Variants in GALNT7 observed in about 807,000 individuals in gnomAD.
GALNT7 encodes the protein N-acetylgalactosaminyltransferase 7.
A neutral mutation model predicts 82.1 loss-of-function variants in GALNT7; 60 were observed. The observed-to-expected ratio is 0.73, with a 90% CI of 0.59 to 0.91. GALNT7 has a LOEUF of 0.91. Ranked by LOEUF, GALNT7 falls within the 40% of genes least tolerant of loss-of-function variation. The pLI is 0.00. For missense variants in GALNT7, 660 were observed against 804.2 expected (o/e 0.82, Z 2.17); for synonymous variants, 243 against 275.1 (o/e 0.88, Z 1.15).
intron 1 of GALNT7, among the ~76,000 whole-genome samples, chr4:173,212,927 C>G (rs1733328445): frequency 6.6e-6 from 1 of 151,918 alleles, no homozygotes; most frequent in South Asian, 2.1e-4. Context: ...GTGGAAAATA[C>G]TAAAACTTGG....
At chr4:173,255,931 T>G (rs534039177) in intron 2 of GALNT7, among the ~76,000 whole-genome samples, 4 of 152,322 alleles carry the variant, frequency 2.6e-5, no homozygotes, top group African/African-American at 9.6e-5. Flanking sequence ...CTACAATATA[T>G]GTTTCTTTGA....
At position 173,227,706 on chromosome 4, in the gene GALNT7, T is replaced by C. The variant is rs548763682; in HGVS notation, c.127-20274T>C. Among the ~76,000 whole-genome samples the C allele has an allele frequency of 3.9e-5, 6 of 152,312 alleles. No individual in the cohort carries two copies. In the South Asian group the frequency reaches 8.3e-4, roughly 21 times the overall value. ...GACTTGAACTTCTATCTCATGAATG[T>C]CTCATGTTGGCGGAGGTCATGCAGC... On this transcript the variant is annotated intron_variant, in intron 1 of 11. Coordinates refer to ENST00000265000, the MANE Select transcript of GALNT7 (RefSeq NM_017423.3).
chr4:173,224,610 A>G (rs937213524), intron 1 of GALNT7, among the ~76,000 whole-genome samples: 1 of 152,342 alleles, frequency 6.6e-6, no homozygotes, highest in South Asian at 2.1e-4. Flanking sequence ...AAAACTTGCA[A>G]TATATTTATT....
At chr4:173,232,255 GA>G (rs1202316775) in intron 1 of GALNT7, among the ~76,000 whole-genome samples, 1 of 151,810 alleles carries the variant, frequency 6.6e-6, no homozygotes, top group African/African-American at 2.4e-5. Context: ...CCTGGTTAGG[GA>G]GACTTTCAGT....
intron 1 of GALNT7, among the ~76,000 whole-genome samples, chr4:173,188,699 T>C (rs1732529495): frequency 6.6e-6 from 1 of 152,206 alleles, no homozygotes; most frequent in African/African-American, 2.4e-5. Context: ...TCCTTTCATG[T>C]TCATGTGCAG....
chr4:173,249,177 A>T (rs945747690), intron 2 of GALNT7, among the ~76,000 whole-genome samples: 1 of 152,192 alleles, frequency 6.6e-6, no homozygotes, highest in Non-Finnish European at 1.5e-5. Flanking sequence ...GCTTTCATTA[A>T]TGTAGTTGGA....
Position 173,238,714 on chromosome 4 carries a change from A to G in GALNT7, c.127-9266A>G, listed in dbSNP as rs1234588494. Among the ~76,000 whole-genome samples, 3 of 152,212 alleles carry G rather than the reference A, an allele frequency of 2.0e-5. No homozygotes were observed. In the East Asian group the frequency reaches 5.8e-4, roughly 29 times the overall value. On this transcript the variant is annotated intron_variant, in intron 1 of 11. Coordinates refer to ENST00000265000, the MANE Select transcript of GALNT7 (RefSeq NM_017423.3). ...ATTCACAATAAAAAATATTTTTTAAAACCTGTAATGCATATTTATGATTCA... is the reference window on the plus strand; with the variant it reads ...ATTCACAATAAAAAATATTTTTTAAGACCTGTAATGCATATTTATGATTCA...
At chr4:173,297,828 A>C in intron 5 of GALNT7, 1 of 1,468,998 alleles carries the variant, frequency 6.8e-7, no homozygotes, top group Non-Finnish European at 8.9e-7. Flanking sequence ...TAGATTACAT[A>C]GATGGGAATG....
chr4:173,319,138 CTG>C (rs1446246010), intron 11 of GALNT7, among the ~76,000 whole-genome samples: 1 of 152,022 alleles, frequency 6.6e-6, no homozygotes, highest in Non-Finnish European at 1.5e-5. Flanking sequence ...TGTGTTTCAG[CTG>C]TGAGTATTTA....
chr4:173,316,037 C>CA (rs201258643), intron 9 of GALNT7: 1 of 151,746 alleles, frequency 6.6e-6, no homozygotes, highest in East Asian at 1.9e-4. Flanking sequence ...ATACAGCAGT[C>CA]AGAGTGACTG....
At chr4:173,253,063 G>C (rs148733963) in intron 2 of GALNT7, among the ~76,000 whole-genome samples, 1 of 152,114 alleles carries the variant, frequency 6.6e-6, no homozygotes, top group East Asian at 1.9e-4. Context: ...TCAGCTGGGC[G>C]TGTTGGCGCA....
At chr4:173,214,136 T>G (rs565316968) in intron 1 of GALNT7, among the ~76,000 whole-genome samples, 80 of 152,154 alleles carry the variant, frequency 5.3e-4, no homozygotes, top group African/African-American at 1.5e-3. Flanking sequence ...CACAACCCAG[T>G]GTTGTTATTA....
intron 2 of GALNT7, among the ~76,000 whole-genome samples, chr4:173,281,842 C>T (rs1736120213): frequency 6.6e-6 from 1 of 152,184 alleles, no homozygotes. Context: ...ATGTCCTCCT[C>T]CACAGAATGT....
chr4:173,296,293 A>C (rs73872541), intron 5 of GALNT7, among the ~76,000 whole-genome samples: 4,117 of 152,314 alleles, frequency 0.027, 190 homozygotes, highest in African/African-American at 0.092. Flanking sequence ...GAAACTTTAA[A>C]GTTTAGAAAT....
chr4:173,309,346 G>A (rs1737292186), intron 8 of GALNT7, among the ~76,000 whole-genome samples: 1 of 152,228 alleles, frequency 6.6e-6, no homozygotes, highest in Non-Finnish European at 1.5e-5. Context: ...GAGAATGACA[G>A]TTTCTAGCTG....
intron 1 of GALNT7, among the ~76,000 whole-genome samples, chr4:173,193,102 A>G (rs1732672841): frequency 6.6e-6 from 1 of 152,236 alleles, no homozygotes; most frequent in African/African-American, 2.4e-5. Flanking sequence ...AGAAAAAGAG[A>G]TAAAAGAAAG....
chr4:173,302,019 T>C lies in GALNT7; in HGVS notation c.1149-28T>C, dbSNP rs1167141012. 41 of 1,008,724 alleles carry C rather than the reference T, an allele frequency of 4.1e-5. No homozygotes were observed. The Admixed American group carries it at 6.4e-4, about 16-fold the overall frequency. The allele number at this position is 1,008,724 out of a possible 1,614,324, so 62.5% of individuals were successfully genotyped here. A position where few individuals can be genotyped will look rare whatever the true frequency, so the allele number is the denominator to read the frequency against. On this transcript the variant is annotated intron_variant, in intron 6 of 11. Transcript: ENST00000265000. This position sits in a 1 kb window ranked among gnomAD's most constrained non-coding sequence, Gnocchi z 4.2. ...AGGGTTATTGGGGGTTTGTCTGTAA[T>C]GGTTATTGCAGTGTTTCTTTTTCTT...
chr4:173,194,309 CAATTTA>C (rs1251921665), intron 1 of GALNT7, among the ~76,000 whole-genome samples: 1 of 152,066 alleles, frequency 6.6e-6, no homozygotes, highest in African/African-American at 2.4e-5. Flanking sequence ...TTTAAAAGGG[CAATTTA>C]AATTTAAAGA....
chr4:173,314,231 C>T (rs779214512), intron 9 of GALNT7, 55 bp downstream of exon 9: 25 of 1,160,398 alleles, frequency 2.2e-5, no homozygotes, highest in Non-Finnish European at 3.1e-5. Flanking sequence ...TGGGAGAAGG[C>T]AGAGAGAGGT....
Sources: allele counts gnomAD v4.1 joint callset (sites outside exome capture counted in the v4.1 genomes callset), GRCh38; gene constraint gnomAD v4.1.1; non-coding constraint Gnocchi (gnomAD v3.1); transcripts MANE v1.5; gene names NCBI Gene and HGNC (gene_info 2026-07-23, HGNC 2026-07-21).